Variants in KIN observed in about 807,000 individuals in gnomAD.
KIN encodes Kin17 DNA and RNA binding protein.
A neutral mutation model predicts 63.0 loss-of-function variants in KIN; 47 were observed. The ratio of observed to expected loss-of-function variants is 0.75; its 90% CI spans 0.59 to 0.95. The LOEUF is 0.95. Among genes scored for constraint, KIN ranks in the 40% least tolerant of loss-of-function variants. The probability of loss-of-function intolerance (pLI) is 0.00; values close to 1 mark genes in which losing one functional copy is unlikely to be tolerated. For missense variants in KIN, 408 were observed against 460.9 expected (o/e 0.89, Z 1.05); for synonymous variants, 160 against 157.7 (o/e 1.01, Z -0.11).
chr10:7,754,147 T>G lies in KIN; in HGVS notation c.*1933A>C. 1 of 453,868 alleles carries G rather than the reference T, an allele frequency of 2.2e-6. No homozygotes were observed. Among genetic ancestry groups the G allele is most frequent in the South Asian group, 1.6e-5 (1 of 64,092 alleles). 28.1% of individuals were successfully genotyped at this position (453,868 alleles called of 1,614,324 possible). On this transcript the variant is annotated 3_prime_UTR_variant, in exon 13 of 13. Transcript: ENST00000379562. ...GAGTTTGAGACCAGCCTGGGCAACA[T>G]AGCAAGACCTCATCTCTACTAAAAA...
intron 7 of KIN, among the ~76,000 whole-genome samples, chr10:7,772,512 T>G (rs768683847): frequency 1.9e-4 from 29 of 152,324 alleles, no homozygotes; most frequent in Non-Finnish European, 3.5e-4. Context: ...GGCTCATTTT[T>G]GTGCCTCAAC....
In KIN at chr10:7,780,142, T is replaced by G. The variant is rs781551176; in HGVS notation, c.290A>C (p.Glu97Ala). ...GATGTGCTCTCGGTGGCTGATGTATTCGTTGTAGACAATGTTGTTGTGGAC... is the reference window on the plus strand; with the variant it reads ...GATGTGCTCTCGGTGGCTGATGTATGCGTTGTAGACAATGTTGTTGTGGAC... ...KRVHNNIVYNEYISHREHIHM... is the reference protein window; with the variant it reads ...KRVHNNIVYNAYISHREHIHM... Residue 97 changes from glutamate to alanine, a missense_variant, in exon 4 of 13, where the codon GAA (glutamate) becomes GCA (alanine). By Grantham distance (107) the Glu-to-Ala change is moderately radical (BLOSUM62 -1). This residue lies in a region of KIN where 110 missense variants were observed against 164.9 expected (regional missense o/e 0.67). Transcript: ENST00000379562. 6.2e-7 allele frequency: 1 copy of G among 1,607,046 alleles called. No homozygotes were observed. The highest frequency in any genetic ancestry group is 8.5e-7 in the Non-Finnish European group (1 of 1,176,492).
chr10:7,772,032 G>A (rs936805252), intron 7 of KIN, among the ~76,000 whole-genome samples: 11 of 152,102 alleles, frequency 7.2e-5, no homozygotes, highest in African/African-American at 2.4e-4. Context: ...GGCATTCCAG[G>A]AAGGGGAGCA....
intron 1 of KIN, among the ~76,000 whole-genome samples, chr10:7,785,206 C>T (rs1421399420): frequency 6.7e-6 from 1 of 149,590 alleles, no homozygotes; most frequent in Non-Finnish European, 1.5e-5. Context: ...GAGCCATGAT[C>T]GCGCCACTGT....
At position 7,754,797 on chromosome 10, in the gene KIN, CCG is replaced by C. The variant is rs1835303712; in HGVS notation, c.*1281_*1282del. ...CAGGGAAGGCTGTTCACACCCGGTC[CCG>C]CTGCCCTGGAAGCTAGCGTCTGCTC... On this transcript the variant is annotated 3_prime_UTR_variant, in exon 13 of 13. Coordinates refer to ENST00000379562, the MANE Select transcript of KIN (RefSeq NM_012311.4). 6.6e-6 allele frequency: 1 copy of C among 152,268 alleles called. No homozygotes were observed. The highest frequency in any genetic ancestry group is 2.1e-4 in the South Asian group (1 of 4,832). 9.4% of individuals were successfully genotyped at this position (152,268 alleles called of 1,614,324 possible).
At chr10:7,773,802 T>G (rs1835712812) in intron 7 of KIN, among the ~76,000 whole-genome samples, 1 of 152,228 alleles carries the variant, frequency 6.6e-6, no homozygotes, top group Admixed American at 6.5e-5. Context: ...CAAATTCCAG[T>G]AGATACTGGT....
At chr10:7,763,665 CT>C (rs1835482147) in intron 10 of KIN, 57 bp downstream of exon 10, 1 of 904,728 alleles carries the variant, frequency 1.1e-6, no homozygotes, top group African/African-American at 1.7e-5. Flanking sequence ...ACCAAAATAG[CT>C]TCACTCAGTG....
chr10:7,778,765 A>G, intron 5 of KIN, 73 bp downstream of exon 5: 1 of 1,488,838 alleles, frequency 6.7e-7, no homozygotes, highest in South Asian at 1.2e-5. Context: ...ACAAAAACAA[A>G]AAAGAAAAAC....
chr10:7,775,860 G>A, intron 5 of KIN, 61 bp from the exon 6 acceptor site: 1 of 958,760 alleles, frequency 1.0e-6, no homozygotes, highest in African/African-American at 1.7e-5. Flanking sequence ...CCATTCAATA[G>A]GCCTAAATTA....
chr10:7,782,643 C>T (rs1231638790), intron 2 of KIN, among the ~76,000 whole-genome samples: 3 of 152,132 alleles, frequency 2.0e-5, no homozygotes, highest in Admixed American at 6.5e-5. Context: ...GTGATCCACC[C>T]GCCTCAGCCT....
Position 7,787,986 on chromosome 10 carries a change from A to G in KIN, c.-53T>C. On this transcript the variant is annotated 5_prime_UTR_variant, in exon 1 of 13. Coordinates refer to ENST00000379562, the MANE Select transcript of KIN (RefSeq NM_012311.4). ...GACCCCAGTACTCAGCCAGCCGGAA[A>G]CGGAACCGGGCTGGCGGCGGTGGGC... 6.9e-7 allele frequency: 1 copy of G among 1,451,890 alleles called. No homozygotes were observed. The highest frequency in any genetic ancestry group is 9.7e-7 in the Non-Finnish European group (1 of 1,032,214). 89.9% of individuals were successfully genotyped at this position (1,451,890 alleles called of 1,614,324 possible). A position where few individuals can be genotyped will look rare whatever the true frequency, so the allele number is the denominator to read the frequency against.
Position 7,762,525 on chromosome 10 carries a change from T to G in KIN, c.950A>C (p.Lys317Thr). Reference sequence around the variant, plus strand: ...CAGCTTGTCTCCAGAATCAATCATCTTCACAACAGCTGTATATTTGTCAAT... The same window carrying G: ...CAGCTTGTCTCCAGAATCAATCATCGTCACAACAGCTGTATATTTGTCAAT... The part of the protein sequence containing the change: ...EVIDKYTAVV[K>T]MIDSGDKLKL... The change falls in exon 11 of 13, where the codon AAG (lysine) becomes ACG (threonine). Residue 317 changes from lysine (K) to threonine (T), a missense_variant. This residue lies in a region of KIN where 298 missense variants were observed against 296.0 expected (regional missense o/e 1.01). Transcript: ENST00000379562. The G allele has an allele frequency of 6.2e-7, 1 of 1,610,628 alleles. No homozygotes were observed. The highest frequency in any genetic ancestry group is 8.5e-7 in the Non-Finnish European group (1 of 1,177,634).
intron 11 of KIN, 32 bp downstream of exon 11, chr10:7,762,425 A>G (rs1835453329): frequency 8.3e-7 from 1 of 1,202,314 alleles, no homozygotes; most frequent in African/African-American, 1.5e-5. Flanking sequence ...TTTTGATGGC[A>G]TATGTATTAA....
intron 9 of KIN, 131 bp from the exon 10 acceptor site, chr10:7,763,922 G>T (rs1026444223): frequency 1.9e-6 from 1 of 538,822 alleles, no homozygotes; most frequent in Admixed American, 3.9e-5. Flanking sequence ...AGAAATGCTG[G>T]AGTTCTCTGC....
chr10:7,780,716 A>T (rs1390270865), intron 2 of KIN, among the ~76,000 whole-genome samples: 1 of 152,194 alleles, frequency 6.6e-6, no homozygotes, highest in African/African-American at 2.4e-5. Context: ...TATAGTTTTA[A>T]TGTCCAAATG....
chr10:7,772,387 C>T lies in KIN; in HGVS notation c.668+2444G>A, dbSNP rs1835684157. 2.0e-5 allele frequency among the ~76,000 whole-genome samples: 3 copies of T among 152,118 alleles called. No individual in the cohort carries two copies. In the South Asian group the frequency reaches 6.2e-4, roughly 32 times the overall value. On this transcript the variant is annotated intron_variant, in intron 7 of 12. Coordinates refer to ENST00000379562, the MANE Select transcript of KIN (RefSeq NM_012311.4). ...ATGGAAAGTAAGGTTCCTTGAACAG[C>T]CCTCATTTTTGCTTTCAGTAACTAG...
In KIN at chr10:7,759,777, TA is replaced by T. The variant is rs759158412; in HGVS notation, c.1119+112del. On this transcript the variant is annotated intron_variant, in intron 12 of 12. Coordinates refer to ENST00000379562, the MANE Select transcript of KIN (RefSeq NM_012311.4). ...TAAGCTTACAGATTTCCAAATAGGA[TA>T]GAAGGCTAACAAAAAACTCAAATTC... is the stretch of plus-strand genomic sequence containing the variant. The T allele has an allele frequency of 1.3e-5, 8 of 605,816 alleles. No homozygotes were observed. The Middle Eastern group carries it at 1.2e-3, about 88-fold the overall frequency. The allele number at this position is 605,816 out of a possible 1,614,324, so 37.5% of individuals were successfully genotyped here.
At chr10:7,785,938 G>A (rs1164701204) in intron 1 of KIN, among the ~76,000 whole-genome samples, 6 of 152,062 alleles carry the variant, frequency 3.9e-5, no homozygotes, top group African/African-American at 1.4e-4. Flanking sequence ...GGACTTTTTG[G>A]GCAGTTAAAC....
chr10:7,770,138 C>T (rs1328730085), intron 7 of KIN, among the ~76,000 whole-genome samples: 1 of 152,180 alleles, frequency 6.6e-6, no homozygotes, highest in Admixed American at 6.5e-5. Context: ...GCAATGTTGG[C>T]CAGGCTGGTC....
Sources: gnomAD v4.1 joint callset for allele counts (sites outside exome capture counted in the v4.1 genomes callset) on GRCh38, gnomAD v4.1.1 for gene constraint, gnomAD v4.1.1 regional missense constraint, MANE v1.5 for transcripts, NCBI Gene and HGNC (gene_info 2026-07-23, HGNC 2026-07-21) for gene names.